The following UGGT1 variants were observed in gnomAD, a reference collection of about 807,000 sequenced individuals.
UGGT1 encodes the protein UDP-glucose glycoprotein glucosyltransferase 1.
A neutral mutation model predicts 203.9 loss-of-function variants in UGGT1; 107 were observed. That is an observed-to-expected ratio of 0.52 (90% CI 0.45 to 0.62). The LOEUF (loss-of-function observed/expected upper bound fraction) is 0.62, where lower values mean the gene tolerates loss of function less well. Ranked by LOEUF, UGGT1 falls within the 20% of genes least tolerant of loss-of-function variation. The probability of loss-of-function intolerance (pLI) is 0.00; values close to 1 mark genes in which losing one functional copy is unlikely to be tolerated. For missense variants in UGGT1, 1,673 were observed against 1,867.2 expected (o/e 0.90, Z 1.92); for synonymous variants, 628 against 653.5 (o/e 0.96, Z 0.59).
chr2:128,095,725 T>C (rs538973648), intron 1 of UGGT1, among the ~76,000 whole-genome samples: 2 of 152,242 alleles, frequency 1.3e-5, no homozygotes, highest in African/African-American at 4.8e-5. Context: ...GAAAGCCACT[T>C]TTCTATTTGT....
intron 12 of UGGT1, among the ~76,000 whole-genome samples, chr2:128,127,716 T>C (rs1369278952): frequency 6.6e-6 from 1 of 152,124 alleles, no homozygotes; most frequent in Non-Finnish European, 1.5e-5. Flanking sequence ...CACTTAACCA[T>C]GGGAACATAG....
At chr2:128,169,588 A>AG (rs1404229658) in intron 26 of UGGT1, among the ~76,000 whole-genome samples, 20 of 152,324 alleles carry the variant, frequency 1.3e-4, no homozygotes, top group Non-Finnish European at 2.5e-4. Flanking sequence ...CCAAATGTGG[A>AG]GAAAGTTGGT....
At chr2:128,133,335 T>C (rs1688974569) in intron 14 of UGGT1, 75 bp downstream of exon 14, 1 of 1,565,354 alleles carries the variant, frequency 6.4e-7, no homozygotes. Context: ...TCATGTAGAA[T>C]GGTCACTTCT....
chr2:128,172,929 T>C (rs974983732), intron 29 of UGGT1, among the ~76,000 whole-genome samples, 167 bp downstream of exon 29: 1 of 152,172 alleles, frequency 6.6e-6, no homozygotes, highest in African/African-American at 2.4e-5. Context: ...CCCATTAACG[T>C]GTACAGTTGA....
rs142418887 is a variant in UGGT1, at chr2:128,134,898, A to G, written c.1520A>G (p.His507Arg). Residue 507 changes from histidine to arginine, a missense_variant, in exon 15 of 41, where the codon CAT becomes CGT. This residue lies in a region of UGGT1 where 1,073 missense variants were observed against 1,078.7 expected (regional missense o/e 0.99). Coordinates refer to ENST00000259253, the MANE Select transcript of UGGT1 (RefSeq NM_020120.4). ...HNMVFIVDPA[H>R]ETTAELMNTA... ...CAGGTTTTCATAGTTGATCCTGCAC[A>G]TGAGACCACAGCAGAGTTGATGAAC... The G allele has an allele frequency of 2.5e-6, 4 of 1,613,932 alleles. No homozygotes were observed. Among genetic ancestry groups the G allele is most frequent in the Non-Finnish European group, 3.4e-6 (4 of 1,179,960 alleles).
At chr2:128,126,647 T>G (rs1688613203) in intron 11 of UGGT1, among the ~76,000 whole-genome samples, 1 of 149,662 alleles carries the variant, frequency 6.7e-6, no homozygotes, top group South Asian at 2.1e-4. Context: ...TGTCCAGACC[T>G]AGAAATAGAT....
rs201986798 is a variant in UGGT1, at chr2:128,138,756, T to C, written c.1623T>C (p.Val541=). Residue 541 remains valine (V), a synonymous_variant, in exon 16 of 41, where the codon GTT becomes GTC. Coordinates refer to ENST00000259253, the MANE Select transcript of UGGT1 (RefSeq NM_020120.4). The part of the protein sequence containing the change: ...FIFVVNDSED[V]DGMQDAGVAV... The stretch of plus-strand genomic sequence containing the variant: ...TTGTGGTTAATGACTCTGAAGATGT[T>C]GATGGGATGCAAGATGCTGGAGTGG... The C allele has an allele frequency of 1.1e-5, 18 of 1,614,212 alleles. No homozygotes were observed. The East Asian group carries it at 3.8e-4, about 34-fold the overall frequency.
At chr2:128,165,623 G>A (rs1052465983) in intron 26 of UGGT1, among the ~76,000 whole-genome samples, 2 of 152,160 alleles carry the variant, frequency 1.3e-5, no homozygotes, top group African/African-American at 4.8e-5. Context: ...CTTGAACCCA[G>A]GAGGTAGAGG....
chr2:128,162,066 A>T (rs1437555198), intron 25 of UGGT1, among the ~76,000 whole-genome samples: 2 of 152,138 alleles, frequency 1.3e-5, no homozygotes, highest in Non-Finnish European at 2.9e-5. Flanking sequence ...TATAATAGCC[A>T]TCCTCGTGGG....
chr2:128,157,483 T>A (rs13392666), intron 22 of UGGT1, 137 bp downstream of exon 22: 136,272 of 617,452 alleles, frequency 0.22, 15,701 homozygotes, highest in African/African-American at 0.29. Context: ...GAGAATTGTA[T>A]CTCTAGAGAT....
rs572904423 is a variant in UGGT1, at chr2:128,167,211, G to A, written c.2921+2386G>A. Among the ~76,000 whole-genome samples, 4 of 152,240 alleles carry A rather than the reference G, an allele frequency of 2.6e-5. No homozygotes were observed. In the South Asian group the frequency reaches 8.3e-4, roughly 32 times the overall value. On this transcript the variant is annotated intron_variant, in intron 26 of 40. Coordinates refer to ENST00000259253, the MANE Select transcript of UGGT1 (RefSeq NM_020120.4). ...GTTTACCCTTCTTGCCCAAGGTAGCGAGTCCTGAGCAAAGACCTCTTCCCT... is the reference window on the plus strand; with the variant it reads ...GTTTACCCTTCTTGCCCAAGGTAGCAAGTCCTGAGCAAAGACCTCTTCCCT...
intron 14 of UGGT1, among the ~76,000 whole-genome samples, chr2:128,134,598 G>A (rs769550265): frequency 1.3e-5 from 2 of 152,136 alleles, no homozygotes; most frequent in Non-Finnish European, 2.9e-5. Flanking sequence ...TGCTAAACTT[G>A]GTTTTCATTT....
intron 21 of UGGT1, among the ~76,000 whole-genome samples, chr2:128,156,627 G>A (rs1035791944): frequency 2.7e-5 from 4 of 147,428 alleles, no homozygotes; most frequent in Non-Finnish European, 4.4e-5. Context: ...CCATGATCTC[G>A]GCTCACTGCA....
intron 1 of UGGT1, among the ~76,000 whole-genome samples, chr2:128,092,304 C>T (rs543315320): frequency 8.0e-6 from 1 of 125,040 alleles, no homozygotes; most frequent in South Asian, 2.5e-4. Flanking sequence ...TTAGCTGAAG[C>T]TTATTTTAAA....
At chr2:128,151,496 A>G (rs1689972312) in intron 18 of UGGT1, among the ~76,000 whole-genome samples, 1 of 152,198 alleles carries the variant, frequency 6.6e-6, no homozygotes, top group South Asian at 2.1e-4. Flanking sequence ...GCCATCTAAT[A>G]TCTTTGTCTT....
At chr2:128,134,101 A>G (rs1311655863) in intron 14 of UGGT1, among the ~76,000 whole-genome samples, 2 of 152,120 alleles carry the variant, frequency 1.3e-5, no homozygotes, top group Non-Finnish European at 2.9e-5. Context: ...CAGTGGCAGG[A>G]TCTCGGCTCA....
intron 30 of UGGT1, 94 bp downstream of exon 30, chr2:128,174,033 G>A: frequency 1.4e-6 from 2 of 1,433,916 alleles, no homozygotes; most frequent in Non-Finnish European, 1.9e-6. Flanking sequence ...TAACCATAGA[G>A]TGAGATTAAA....
intron 16 of UGGT1, among the ~76,000 whole-genome samples, chr2:128,139,633 G>A (rs1689310812): frequency 6.6e-6 from 1 of 152,162 alleles, no homozygotes; most frequent in South Asian, 2.1e-4. Context: ...AGTCAGCAGG[G>A]GATCTGGCCT....
intron 13 of UGGT1, among the ~76,000 whole-genome samples, chr2:128,131,395 G>A (rs765699860): frequency 1.3e-5 from 2 of 152,108 alleles, no homozygotes; most frequent in African/African-American, 2.4e-5. Flanking sequence ...TGGAATGCAG[G>A]AATGCAATCA....
Sources: allele counts gnomAD v4.1 joint callset (sites outside exome capture counted in the v4.1 genomes callset), GRCh38; gene constraint gnomAD v4.1.1; regional missense constraint gnomAD v4.1.1; transcripts MANE v1.5; gene names NCBI Gene and HGNC (gene_info 2026-07-23, HGNC 2026-07-21).